The following PLCB2 variants were observed in gnomAD, a reference collection of about 807,000 sequenced individuals.
PLCB2 encodes the protein 1-phosphatidylinositol 4,5-bisphosphate phosphodiesterase beta-2.
Under a neutral mutation model 141.7 loss-of-function variants are expected in PLCB2, and 115 were observed. The observed-to-expected ratio is 0.81, with a 90% CI of 0.70 to 0.95. The LOEUF (loss-of-function observed/expected upper bound fraction) is 0.95, where lower values mean the gene tolerates loss of function less well. Among genes scored for constraint, PLCB2 ranks in the 40% least tolerant of loss-of-function variants. The probability of loss-of-function intolerance (pLI) is 0.00; values close to 1 mark genes in which losing one functional copy is unlikely to be tolerated. For synonymous variants in PLCB2, 603 were observed against 595.6 expected (o/e 1.01, Z -0.18); for missense variants, 1,403 against 1,541.1 (o/e 0.91, Z 1.50).
At chr15:40,294,184 C>T (rs1365382888) in intron 19 of PLCB2, 82 bp downstream of exon 19, 4 of 1,375,810 alleles carry the variant, frequency 2.9e-6, no homozygotes, top group African/African-American at 2.8e-5. Context: ...GAGGGGGTTG[C>T]GAGTTGAGTG....
downstream of PLCB2, chr15:40,284,566 G>A (rs2039582114): frequency 2.2e-6 from 1 of 454,344 alleles, no homozygotes; most frequent in Non-Finnish European, 4.4e-6. Flanking sequence ...CCCAGGCCGG[G>A]TGCAGTGGCT....
At chr15:40,306,661 G>A (rs1256291177) in intron 1 of PLCB2, among the ~76,000 whole-genome samples, 2 of 152,004 alleles carry the variant, frequency 1.3e-5, no homozygotes, top group Admixed American at 6.6e-5. Context: ...GCCCAGCCCC[G>A]AAGGGCCTAG....
Position 40,298,854 on chromosome 15 carries a change from T to G in PLCB2, c.794A>C (p.Asp265Ala). The G allele has an allele frequency of 1.9e-6, 3 of 1,613,742 alleles. No homozygotes were observed. Among genetic ancestry groups the G allele is most frequent in the Non-Finnish European group, 2.5e-6 (3 of 1,180,028 alleles). The change falls in exon 9 of 32, where the codon GAC (aspartate) becomes GCC (alanine). Residue 265 changes from aspartate to alanine, a missense_variant. Transcript: ENST00000260402. ...NSLLFPPARP[D>A]QVQGLIDKYE... is the part of the protein sequence containing the mutation. ...CTTGTCGATGAGGCCCTGCACCTGG[T>G]CAGGCCGTGCTGGCGGGAACAGCAG...
intron 7 of PLCB2, 86 bp downstream of exon 7, chr15:40,301,871 G>A: frequency 8.4e-7 from 1 of 1,188,530 alleles, no homozygotes; most frequent in Non-Finnish European, 1.2e-6. Flanking sequence ...TGTCACCTCT[G>A]CTCCCCCACC....
At chr15:40,302,700 T>C in intron 3 of PLCB2, 91 bp from the exon 4 acceptor site, 7 of 1,424,134 alleles carry the variant, frequency 4.9e-6, no homozygotes, top group Non-Finnish European at 6.8e-6. Flanking sequence ...CCACTTGGGC[T>C]ATGGCCCACT....
rs769956789 is a variant in PLCB2 at position 40,292,917 on chromosome 15, A to G, written c.2326+9T>C. ...TGATCTTGGAACAGTGAAGGACCCCACTCCTTACCAGAATTTAGGGCATTG... is the reference window on the plus strand; with the variant it reads ...TGATCTTGGAACAGTGAAGGACCCCGCTCCTTACCAGAATTTAGGGCATTG... On this transcript the variant is annotated intron_variant, in intron 21 of 31. Transcript: ENST00000260402. 3.2e-6 allele frequency: 5 copies of G among 1,558,386 alleles called. No homozygotes were observed. Among genetic ancestry groups the G allele is most frequent in the African/African-American group, 2.7e-5 (2 of 73,474 alleles).
intron 16 of PLCB2, among the ~76,000 whole-genome samples, chr15:40,295,515 A>G (rs1356627939): frequency 7.0e-6 from 1 of 142,646 alleles, no homozygotes; most frequent in Non-Finnish European, 1.5e-5. Flanking sequence ...GGTGTGTGCC[A>G]TGGATGTGGA....
rs1470215807 is a variant in PLCB2 at position 40,291,026 on chromosome 15, C to A, written c.3028G>T (p.Val1010Leu). 6.3e-7 allele frequency: 1 copy of A among 1,592,936 alleles called. No homozygotes were observed. Among genetic ancestry groups the A allele is most frequent in the Non-Finnish European group, 8.5e-7 (1 of 1,177,456 alleles). The change falls in exon 27 of 32, where the codon GTG becomes TTG. Residue 1010 changes from valine to leucine, a missense_variant. Coordinates refer to ENST00000260402, the MANE Select transcript of PLCB2 (RefSeq NM_004573.3). The stretch of plus-strand genomic sequence containing the variant: ...CTGCCCCTCCCGGCCACCTCGGCCA[C>A]GTGCTGCTCCTTGCGCTTCAGAACG... ...ECVLKRKEQH[V>L]AEQISKMMEL...
Position 40,292,127 on chromosome 15 carries a change from C to T in PLCB2, c.2463G>A (p.Lys821=), listed in dbSNP as rs376248028. The T allele has an allele frequency of 1.2e-6, 2 of 1,614,222 alleles. No individual in the cohort carries two copies. The highest frequency in any genetic ancestry group is 1.7e-6 in the Non-Finnish European group (2 of 1,180,036). ...ACTTCGTGTCATGGGCACTGAAGAA[C>T]TTAATGGGGTTGGCGAGGGCCACAG... The part of the protein sequence containing the change: ...DLTVALANPI[K]FFSAHDTKSV... Residue 821 remains lysine, a synonymous_variant, in exon 23 of 32, where the codon AAG becomes AAA. Coordinates refer to ENST00000260402, the MANE Select transcript of PLCB2 (RefSeq NM_004573.3).
chr15:40,295,679 G>T (rs145153822), intron 16 of PLCB2, among the ~76,000 whole-genome samples: 41 of 152,306 alleles, frequency 2.7e-4, no homozygotes, highest in African/African-American at 9.6e-4. Flanking sequence ...GGCTGAACAC[G>T]TCTGGGGAGA....
rs752061341 is a variant in PLCB2 at position 40,298,650 on chromosome 15, C to G, written c.909G>C (p.Leu303=). 1.2e-5 allele frequency: 19 copies of G among 1,614,078 alleles called. No individual in the cohort carries two copies. Among genetic ancestry groups the G allele is most frequent in the South Asian group, 2.2e-5 (2 of 91,090 alleles). The change falls in exon 10 of 32, where the codon CTG becomes CTC. Residue 303 remains leucine, a synonymous_variant. Coordinates refer to ENST00000260402, the MANE Select transcript of PLCB2 (RefSeq NM_004573.3). ...GGTGGAGCAGCAGCTTGTCCTGGGC[C>G]AGCACGCTGTTCTCTGGCCCACAGA... The part of the protein sequence containing the change: ...WFLCGPENSV[L]AQDKLLLHHD...
rs369692914 is a variant in PLCB2 at position 40,302,196 on chromosome 15, G to A, written c.453-7C>T. 6.2e-6 allele frequency: 10 copies of A among 1,613,056 alleles called. No individual in the cohort carries two copies. Among genetic ancestry groups the A allele is most frequent in the Non-Finnish European group, 7.6e-6 (9 of 1,179,390 alleles). Reference sequence around the variant, plus strand: ...CATCTTGAGCTTCACAAGGCTGGGGGCAGAAAGCAGCCCGTCAAGGCCCAG... The same window carrying A: ...CATCTTGAGCTTCACAAGGCTGGGGACAGAAAGCAGCCCGTCAAGGCCCAG... On this transcript the variant is annotated splice_polypyrimidine_tract_variant and splice_region_variant and intron_variant, in intron 5 of 31. Coordinates refer to ENST00000260402, the MANE Select transcript of PLCB2 (RefSeq NM_004573.3).
chr15:40,299,223 G>A lies in PLCB2; in HGVS notation c.588C>T (p.Asp196=), dbSNP rs147429604. 7.1e-5 allele frequency: 114 copies of A among 1,608,090 alleles called. No individual in the cohort carries two copies. Among genetic ancestry groups the A allele is most frequent in the Admixed American group, 5.0e-4 (30 of 60,026 alleles). ...SACHLPKGKN[D]AINPEDFPEP... ...CTGGGAAGTCCTCAGGATTGATGGC[G>A]TCATTCTAGGGGCATAGTAACCTTA... Residue 196 remains aspartate (D), a synonymous_variant, in exon 8 of 32, where the codon GAC becomes GAT. Coordinates refer to ENST00000260402, the MANE Select transcript of PLCB2 (RefSeq NM_004573.3).
chr15:40,302,023 C>T lies in PLCB2; in HGVS notation c.516G>A (p.Gln172=), dbSNP rs1422842900. Residue 172 remains glutamine (Q), a synonymous_variant, in exon 7 of 32, where the codon CAG becomes CAA. Coordinates refer to ENST00000260402, the MANE Select transcript of PLCB2 (RefSeq NM_004573.3). ...EGKIPVKNFF[Q]MFPADRKRVE... ...CCCGCTTGCGGTCAGCAGGAAACATCTGGAAAAAGCTGAAGGGGCAGAGAA... is the reference window on the plus strand; with the variant it reads ...CCCGCTTGCGGTCAGCAGGAAACATTTGGAAAAAGCTGAAGGGGCAGAGAA... The T allele has an allele frequency of 6.2e-7, 1 of 1,614,182 alleles. No individual in the cohort carries two copies. The highest frequency in any genetic ancestry group is 1.7e-5 in the Admixed American group (1 of 60,026).
At chr15:40,284,358 C>T, downstream of PLCB2, 1 of 349,232 alleles carries the variant, frequency 2.9e-6, no homozygotes, top group South Asian at 2.1e-5. Context: ...GCGAGACGTT[C>T]CACCTCTTAA....
At chr15:40,299,454 T>C (rs2040403263) in intron 7 of PLCB2, among the ~76,000 whole-genome samples, 1 of 152,132 alleles carries the variant, frequency 6.6e-6, no homozygotes, top group African/African-American at 2.4e-5. Flanking sequence ...GGCTATTCCA[T>C]TGGCTGGGGC....
intron 15 of PLCB2, 21 bp downstream of exon 15, chr15:40,296,501 C>T (rs973348989): frequency 1.9e-6 from 3 of 1,613,668 alleles, no homozygotes; most frequent in African/African-American, 2.7e-5. Context: ...CACAGAGGGG[C>T]CTGGGGCTAC....
At chr15:40,298,175 GC>G in intron 11 of PLCB2, 47 bp downstream of exon 11, 1 of 1,520,138 alleles carries the variant, frequency 6.6e-7, no homozygotes, top group South Asian at 1.3e-5. Flanking sequence ...CTGGCCCAGA[GC>G]CCTTCCCTAC....
At position 40,298,881 on chromosome 15, in the gene PLCB2, G is replaced by A; in HGVS notation, c.767C>T (p.Ser256Phe). ...AGGCCGTGCTGGCGGGAACAGCAGG[G>A]AGTTAAGCCGGGAGTCCCGCTGTTT... ...NQKQRDSRLN[S>F]LLFPPARPDQ... The change falls in exon 9 of 32, where the codon TCC becomes TTC. Residue 256 changes from serine to phenylalanine, a missense_variant. Around this residue, in one of 4 missense-constraint regions of PLCB2, gnomAD observed 975 missense variants for 1,141.1 expected, o/e 0.85. Transcript: ENST00000260402. 6.2e-7 allele frequency: 1 copy of A among 1,612,388 alleles called. No homozygotes were observed. The highest frequency in any genetic ancestry group is 1.3e-5 in the African/African-American group (1 of 75,058).
Sources: gnomAD v4.1 joint callset for allele counts (sites outside exome capture counted in the v4.1 genomes callset) on GRCh38, gnomAD v4.1.1 for gene constraint, gnomAD v4.1.1 regional missense constraint, MANE v1.5 for transcripts, NCBI Gene and HGNC (gene_info 2026-07-23, HGNC 2026-07-21) for gene names.